ERCC6: variants seen among roughly 807,000 people sequenced by gnomAD.
ERCC6 encodes ERCC excision repair 6, chromatin remodeling factor.
A neutral mutation model predicts 158.7 loss-of-function variants in ERCC6; 116 were observed. The observed-to-expected ratio is 0.73, with a 90% confidence interval of 0.63 to 0.85. The LOEUF (loss-of-function observed/expected upper bound fraction) is 0.85. Ranked by LOEUF, ERCC6 falls within the 40% of genes least tolerant of loss-of-function variation. The pLI, the probability that ERCC6 is intolerant of heterozygous loss-of-function variation, is 0.00. For missense variants in ERCC6, 1,698 were observed against 1,799.4 expected, an observed-to-expected ratio of 0.94 and a Z score of 1.02; for synonymous variants, 678 against 659.3, an observed-to-expected ratio of 1.03 and a Z score of -0.43.
chr10:49,467,418 G>C lies in ERCC6; in HGVS notation c.3778+2764C>G, dbSNP rs777889402. The stretch of plus-strand genomic sequence containing the variant: ...CTTCTTTCATTTTAGCCATTCTAGA[G>C]GGTGTATAGTGGTATCTCGTTATGG... On this transcript the variant is annotated intron_variant, in intron 18 of 20. Coordinates refer to ENST00000355832, the MANE Select transcript of ERCC6 (RefSeq NM_000124.4). Among the ~76,000 whole-genome samples the C allele has an allele frequency of 3.0e-4, 45 of 152,212 alleles. No individual in the cohort carries two copies. The Middle Eastern group carries it at 0.017, about 58-fold the overall frequency.
rs1437414291 is a variant in ERCC6, at chr10:49,493,121, T to C, written c.1817A>G (p.Lys606Arg). 6.2e-7 allele frequency: 1 copy of C among 1,614,126 alleles called. No individual in the cohort carries two copies. The highest frequency in any genetic ancestry group is 1.7e-5 in the Admixed American group (1 of 60,022). The stretch of plus-strand genomic sequence containing the variant: ...GGTACTGAAATATTGTGTTACCTTT[T>C]TGTGGGTATAGGAACCGGTTTCATG... ...ILHETGSYTH[K>R]KEKLIRDVAH... The change falls in exon 8 of 21, where the codon AAA (lysine) becomes AGA (arginine). Residue 606 changes from lysine (K) to arginine (R), a missense_variant. Coordinates refer to ENST00000355832, the MANE Select transcript of ERCC6 (RefSeq NM_000124.4).
chr10:49,484,292 GA>G (rs1171502815), intron 8 of ERCC6, among the ~76,000 whole-genome samples: 3,255 of 118,768 alleles, frequency 0.027, 120 homozygotes, highest in African/African-American at 0.11. Flanking sequence ...AAAAAAAAAA[GA>G]AAAAAAAAAA....
chr10:49,447,764 A>T, the ERCC6 span, among the ~76,000 whole-genome samples: 1 of 151,696 alleles, frequency 6.6e-6, no homozygotes, highest in Non-Finnish European at 1.5e-5. Context: ...GCCTCTCACA[A>T]CCATTCATCT....
chr10:49,468,348 C>G (rs541900352), intron 18 of ERCC6, among the ~76,000 whole-genome samples: 3 of 152,312 alleles, frequency 2.0e-5, no homozygotes, highest in African/African-American at 4.8e-5. Context: ...GGACTCCCAT[C>G]TGGGTTCTCC....
chr10:49,533,941 C>T lies in ERCC6; in HGVS notation c.-14-963G>A, dbSNP rs1009602885. On this transcript the variant is annotated intron_variant, in intron 1 of 20. Coordinates refer to ENST00000355832, the MANE Select transcript of ERCC6 (RefSeq NM_000124.4). ...TTAAGGTCAGGTGTTTGAGACCAGC[C>T]TGGCAAACATGGTGAAACCCGATCT... Among the ~76,000 whole-genome samples the T allele has an allele frequency of 2.0e-5, 3 of 151,976 alleles. No individual in the cohort carries two copies. In the East Asian group the frequency reaches 5.8e-4, roughly 29 times the overall value.
chr10:49,493,171 C>T lies in ERCC6; in HGVS notation c.1767G>A (p.Trp589Ter). Residue 589 changes from tryptophan to a stop codon, truncating the protein, a stop_gained, in exon 8 of 21, where the codon TGG (tryptophan) becomes TGA (stop). Coordinates refer to ENST00000355832, the MANE Select transcript of ERCC6 (RefSeq NM_000124.4). LOFTEE classifies it high-confidence loss of function. The part of the protein sequence containing the change: ...HQWVKEFHTW[W>*]PPFRVAILHE... ...GTAGAATTGCCACTCTGAACGGAGG[C>T]CACCACGTGTGAAATTCCTTCACCC... is the stretch of plus-strand genomic sequence containing the variant. The T allele has an allele frequency of 6.2e-7, 1 of 1,614,080 alleles. No individual in the cohort carries two copies. The highest frequency in any genetic ancestry group is 8.5e-7 in the Non-Finnish European group (1 of 1,180,000).
In ERCC6 at chr10:49,491,231, AT is replaced by A. The variant is rs1851168721; in HGVS notation, c.1821+1885del. On this transcript the variant is annotated intron_variant, in intron 8 of 20. Coordinates refer to ENST00000355832, the MANE Select transcript of ERCC6 (RefSeq NM_000124.4). ...TATTAACATTAATGAAAAGTAATAA[AT>A]ATAGGGCTTCTAAGTTAAGAATATA... 2.0e-5 allele frequency among the ~76,000 whole-genome samples: 3 copies of A among 152,252 alleles called. 1 individual carries two copies. In the South Asian group the frequency reaches 6.2e-4, roughly 31 times the overall value.
chr10:49,496,259 C>A (rs988936734), intron 7 of ERCC6, among the ~76,000 whole-genome samples: 4 of 152,214 alleles, frequency 2.6e-5, no homozygotes, highest in African/African-American at 9.6e-5. Flanking sequence ...CCTGACAAAA[C>A]ACAAATCACC....
At chr10:49,523,126 A>G (rs921883560) in intron 5 of ERCC6, among the ~76,000 whole-genome samples, 3 of 152,206 alleles carry the variant, frequency 2.0e-5, no homozygotes, top group Admixed American at 1.3e-4. Flanking sequence ...GAAATAAGAA[A>G]AAACTGTTGA....
the ERCC6 span, among the ~76,000 whole-genome samples, chr10:49,443,989 C>CA: frequency 3.3e-5 from 5 of 152,196 alleles, no homozygotes; most frequent in Non-Finnish European, 7.3e-5. Flanking sequence ...CACTGTGAAT[C>CA]AAAAACCACA....
At chr10:49,467,622 G>A (rs769513102) in intron 18 of ERCC6, among the ~76,000 whole-genome samples, 1 of 152,088 alleles carries the variant, frequency 6.6e-6, no homozygotes, top group Non-Finnish European at 1.5e-5. Flanking sequence ...CTGGAGTGCA[G>A]TGGCATGATC....
chr10:49,477,501 C>T (rs1468983566), intron 11 of ERCC6, among the ~76,000 whole-genome samples: 2 of 152,282 alleles, frequency 1.3e-5, no homozygotes, highest in Non-Finnish European at 2.9e-5. Context: ...GCAAGCCTCA[C>T]GGGCACCTCT....
At position 49,458,715 on chromosome 10, in the gene ERCC6, G is replaced by A. The variant is rs904088674; in HGVS notation, c.*100C>T. ...GACATCATGCAAACAAACATCAAGT[G>A]CAGCCAACTTCCATTGACAAACATG... is the stretch of plus-strand genomic sequence containing the variant. On this transcript the variant is annotated 3_prime_UTR_variant, in exon 21 of 21. Transcript: ENST00000355832. 5.0e-6 allele frequency: 6 copies of A among 1,202,588 alleles called. No homozygotes were observed. The Admixed American group carries it at 1.0e-4, about 21-fold the overall frequency. 74.5% of individuals were successfully genotyped at this position (1,202,588 alleles called of 1,614,324 possible).
intron 10 of ERCC6, among the ~76,000 whole-genome samples, chr10:49,479,640 G>T (rs1481557918): frequency 6.6e-6 from 1 of 152,148 alleles, no homozygotes; most frequent in African/African-American, 2.4e-5. Flanking sequence ...TCCCACTGAG[G>T]AAGCACGAAT....
intron 8 of ERCC6, among the ~76,000 whole-genome samples, chr10:49,483,988 T>C (rs951896554): frequency 1.8e-4 from 27 of 151,760 alleles, no homozygotes; most frequent in African/African-American, 5.8e-4. Context: ...TTTAAAATGA[T>C]AGAAAAAAAG....
chr10:49,444,638 TTGAG>T, the ERCC6 span, among the ~76,000 whole-genome samples: 2 of 152,108 alleles, frequency 1.3e-5, no homozygotes, highest in African/African-American at 4.8e-5. Flanking sequence ...TGAAAAGCAA[TTGAG>T]TGAGTACGAG....
chr10:49,467,596 C>T (rs1006672391), intron 18 of ERCC6, among the ~76,000 whole-genome samples: 3 of 152,262 alleles, frequency 2.0e-5, no homozygotes, highest in Middle Eastern at 3.4e-3. Context: ...CATGGGGTCT[C>T]GCTCTGCTGC....
chr10:49,472,802 GA>G (rs1239403341), intron 15 of ERCC6, 106 bp downstream of exon 15: 14 of 1,362,704 alleles, frequency 1.0e-5, no homozygotes, highest in Admixed American at 6.5e-5. Context: ...ATCAAAATGT[GA>G]AACGTATGCT....
At position 49,524,460 on chromosome 10, in the gene ERCC6, T is replaced by C; in HGVS notation, c.970A>G (p.Lys324Glu). The change falls in exon 5 of 21, where the codon AAA becomes GAA. Residue 324 changes from lysine (K) to glutamate (E), a missense_variant. Transcript: ENST00000355832. ...PNKKARVLSK[K>E]EERLKKHIKK... ...ATGTGCTTTTTCAAACGCTCCTCTT[T>C]TTTGGACAGAACTCTGGCTTTCTTG... is the stretch of plus-strand genomic sequence containing the variant. The C allele has an allele frequency of 6.2e-7, 1 of 1,614,248 alleles. No individual in the cohort carries two copies. The highest frequency in any genetic ancestry group is 8.5e-7 in the Non-Finnish European group (1 of 1,180,036).
Sources: gnomAD v4.1 joint callset for allele counts (sites outside exome capture counted in the v4.1 genomes callset) on GRCh38, gnomAD v4.1.1 for gene constraint, MANE v1.5 for transcripts, NCBI Gene and HGNC (gene_info 2026-07-23, HGNC 2026-07-21) for gene names.